The following KCNG3 variants were observed in gnomAD, a reference collection of about 807,000 sequenced individuals.
The protein encoded by KCNG3 is voltage-gated potassium channel regulatory subunit KCNG3.
In KCNG3, 15 loss-of-function variants were observed where a neutral mutation model predicts 29.0. That is an observed-to-expected ratio of 0.52 (90% CI 0.35 to 0.80). KCNG3 has a LOEUF of 0.80. KCNG3 is among the 30% of genes least tolerant of loss of function. The pLI is 0.01. For missense variants in KCNG3, 512 were observed against 605.7 expected, an observed-to-expected ratio of 0.85 and a Z score of 1.62; for synonymous variants, 322 against 248.9, an observed-to-expected ratio of 1.29 and a Z score of -2.76.
At chr2:42,419,016 C>G in the KCNG3 span, among the ~76,000 whole-genome samples, 1 of 151,940 alleles carries the variant, frequency 6.6e-6, no homozygotes, top group African/African-American at 2.4e-5. Flanking sequence ...TTCTCTGAGT[C>G]TAAATATGAT....
chr2:42,423,938 T>C, the KCNG3 span, among the ~76,000 whole-genome samples: 1 of 152,310 alleles, frequency 6.6e-6, no homozygotes, highest in East Asian at 1.9e-4. Flanking sequence ...TAAAAATCAA[T>C]TCATTTTGAA....
At chr2:42,470,779 C>G (rs1359260923) in intron 1 of KCNG3, among the ~76,000 whole-genome samples, 2 of 151,736 alleles carry the variant, frequency 1.3e-5, no homozygotes, top group East Asian at 3.9e-4. Flanking sequence ...AGGAGGCTGA[C>G]ATGGGAGGCT....
the KCNG3 span, among the ~76,000 whole-genome samples, chr2:42,404,975 C>T: frequency 6.6e-6 from 1 of 152,110 alleles, no homozygotes; most frequent in East Asian, 1.9e-4. Flanking sequence ...AGTTTGGCAG[C>T]AAAAAAAGTC....
At chr2:42,447,344 A>T (rs956608622) in intron 1 of KCNG3, among the ~76,000 whole-genome samples, 1 of 152,082 alleles carries the variant, frequency 6.6e-6, no homozygotes, top group Non-Finnish European at 1.5e-5. Flanking sequence ...AAATAGTAGC[A>T]TGTTACACTA....
chr2:42,492,854 A>G lies in KCNG3; in HGVS notation c.648T>C (p.Pro216=). 1 of 1,505,862 alleles carries G rather than the reference A, an allele frequency of 6.6e-7. No individual in the cohort carries two copies. Among genetic ancestry groups the G allele is most frequent in the Non-Finnish European group, 8.8e-7 (1 of 1,131,734 alleles). The allele number at this position is 1,505,862 out of a possible 1,614,324, so 93.3% of individuals were successfully genotyped here. A position where few individuals can be genotyped will look rare whatever the true frequency, so the allele number is the denominator to read the frequency against. The change falls in exon 1 of 2, where the codon CCT becomes CCC. Residue 216 remains proline, a synonymous_variant. Transcript: ENST00000306078. ...CGTCCTACCCGGAGGGCTCCCTCCC[A>G]GGGCCGGCGGAGTACCTGCTCCGGT... The part of the protein sequence containing the change: ...LDDRSRYSAG[P]GREPSGIIEA...
Position 42,493,606 on chromosome 2 carries a change from G to C in KCNG3, c.-105C>G, listed in dbSNP as rs1478278482. ...CCCGTGGCTGACGGGGGAGCGCGCC[G>C]TCGGGGCCCGCGCTCCCTCGGGGCT... On this transcript the variant is annotated 5_prime_UTR_variant, in exon 1 of 2. Coordinates refer to ENST00000306078, the MANE Select transcript of KCNG3 (RefSeq NM_133329.6). 15 of 1,037,140 alleles carry C rather than the reference G, an allele frequency of 1.4e-5. No homozygotes were observed. Among genetic ancestry groups the C allele is most frequent in the Middle Eastern group, 3.5e-4 (1 of 2,860 alleles). 64.2% of individuals were successfully genotyped at this position (1,037,140 alleles called of 1,614,324 possible).
chr2:42,388,914 G>A, the KCNG3 span, among the ~76,000 whole-genome samples: 11 of 151,588 alleles, frequency 7.3e-5, no homozygotes, highest in Non-Finnish European at 1.5e-5. Flanking sequence ...ACTTTGTTTT[G>A]GTTTTTGTTT....
the KCNG3 span, among the ~76,000 whole-genome samples, chr2:42,401,805 A>C: frequency 8.1e-4 from 124 of 152,164 alleles, no homozygotes; most frequent in African/African-American, 2.8e-3. Context: ...GACTGCTTGA[A>C]CCCAGAAGGT....
the KCNG3 span, among the ~76,000 whole-genome samples, chr2:42,399,975 G>A: frequency 6.6e-6 from 1 of 152,172 alleles, no homozygotes; most frequent in Non-Finnish European, 1.5e-5. Flanking sequence ...AGCAGGCTGG[G>A]TGCAGTGTCT....
the KCNG3 span, among the ~76,000 whole-genome samples, chr2:42,419,906 C>A: frequency 1.3e-5 from 2 of 152,074 alleles, no homozygotes; most frequent in Admixed American, 1.3e-4. Context: ...GATTTCCACA[C>A]TACTATCTGC....
chr2:42,433,172 C>T, the KCNG3 span, among the ~76,000 whole-genome samples: 9 of 152,046 alleles, frequency 5.9e-5, no homozygotes, highest in Non-Finnish European at 1.0e-4. Context: ...ACGTAAGATA[C>T]CCAGATTGAA....
intron 1 of KCNG3, among the ~76,000 whole-genome samples, chr2:42,459,015 G>A (rs1672947068): frequency 6.6e-6 from 1 of 152,040 alleles, no homozygotes; most frequent in South Asian, 2.1e-4. Flanking sequence ...CGACCAACAT[G>A]GTGAAACCCC....
At chr2:42,472,181 A>G (rs1673307048) in intron 1 of KCNG3, among the ~76,000 whole-genome samples, 1 of 152,220 alleles carries the variant, frequency 6.6e-6, no homozygotes. Context: ...TATTCATTGC[A>G]GCACTACAGT....
the KCNG3 span, among the ~76,000 whole-genome samples, chr2:42,432,934 T>TAAAAAAAAAAAAAAAAAAAAA: frequency 7.5e-6 from 1 of 132,768 alleles, no homozygotes. Context: ...GCTTTTATGA[T>TAAAAAAAAAAAAAAAAAAAAA]AAAAAAAAAA....
At chr2:42,453,366 T>C (rs1176613792) in intron 1 of KCNG3, among the ~76,000 whole-genome samples, 3 of 152,238 alleles carry the variant, frequency 2.0e-5, no homozygotes, top group African/African-American at 7.2e-5. Context: ...GCATTTGTTA[T>C]TGTCTGTCTT....
intron 1 of KCNG3, among the ~76,000 whole-genome samples, chr2:42,480,675 A>G (rs928363538): frequency 3.3e-5 from 5 of 151,588 alleles, no homozygotes; most frequent in East Asian, 1.9e-4. Flanking sequence ...TGTAAAAACC[A>G]TAACTACTCA....
chr2:42,493,250 G>T lies in KCNG3; in HGVS notation c.252C>A (p.Arg84=). The T allele has an allele frequency of 1.2e-6, 2 of 1,612,184 alleles. No individual in the cohort carries two copies. The highest frequency in any genetic ancestry group is 1.7e-6 in the Non-Finnish European group (2 of 1,179,860). ...AGAGCTCGCACATCCGCGGCGCGAA[G>T]CGCAGCTTGCCGTGGCCGCGCACGT... ...LLYVRGHGKL[R]FAPRMCELSF... Residue 84 remains arginine (R), a synonymous_variant, in exon 1 of 2, where the codon CGC becomes CGA. Coordinates refer to ENST00000306078, the MANE Select transcript of KCNG3 (RefSeq NM_133329.6).
the KCNG3 span, among the ~76,000 whole-genome samples, chr2:42,431,172 T>C: frequency 6.6e-6 from 1 of 152,076 alleles, no homozygotes; most frequent in East Asian, 1.9e-4. Context: ...ATAATTTTCA[T>C]TACTAGGAGT....
intron 1 of KCNG3, among the ~76,000 whole-genome samples, chr2:42,454,875 A>G (rs1299625471): frequency 6.6e-6 from 1 of 152,202 alleles, no homozygotes; most frequent in Admixed American, 6.5e-5. Flanking sequence ...TGGTAGTTAC[A>G]GGCAGCTGGG....
Sources: allele counts gnomAD v4.1 joint callset (sites outside exome capture counted in the v4.1 genomes callset), GRCh38; gene constraint gnomAD v4.1.1; transcripts MANE v1.5; gene names NCBI Gene and HGNC (gene_info 2026-07-23, HGNC 2026-07-21).